The following SEC22C variants were observed in gnomAD, a reference collection of about 807,000 sequenced individuals.
The protein encoded by SEC22C is vesicle-trafficking protein SEC22c.
Under a neutral mutation model 34.7 loss-of-function variants are expected in SEC22C, and 29 were observed. That is an observed-to-expected ratio of 0.84 (90% confidence interval 0.62 to 1.14). SEC22C has a LOEUF of 1.14. Ranked by LOEUF, SEC22C falls within the 50% of genes most tolerant of loss-of-function variation. The probability of loss-of-function intolerance (pLI) is 0.00; values close to 1 mark genes in which losing one functional copy is unlikely to be tolerated. For synonymous variants in SEC22C, 117 were observed against 132.8 expected (o/e 0.88, Z 0.82); for missense variants, 337 against 369.0 (o/e 0.91, Z 0.71).
rs1452919164 is a variant in SEC22C at position 42,550,732 on chromosome 3, A to G, written c.*2516T>C. The G allele has an allele frequency of 4.1e-6, 4 of 985,238 alleles. No homozygotes were observed. Among genetic ancestry groups the G allele is most frequent in the Non-Finnish European group, 4.8e-6 (4 of 829,926 alleles). The allele number at this position is 985,238 out of a possible 1,614,324, so 61.0% of individuals were successfully genotyped here. A position where few individuals can be genotyped will look rare whatever the true frequency, so the allele number is the denominator to read the frequency against. On this transcript the variant is annotated 3_prime_UTR_variant, in exon 7 of 7. Coordinates refer to ENST00000264454, the MANE Select transcript of SEC22C (RefSeq NM_032970.4). Reference sequence around the variant, plus strand: ...GCATTACCAGGAAGGACTCATCTTCAAGGACCGTTTCTTTACTGCCTGCTG... The same window carrying G: ...GCATTACCAGGAAGGACTCATCTTCGAGGACCGTTTCTTTACTGCCTGCTG...
intron 2 of SEC22C, chr3:42,563,927 A>T (rs1335918134): frequency 1.4e-6 from 2 of 1,393,138 alleles, no homozygotes; most frequent in Non-Finnish European, 1.9e-6. Flanking sequence ...TTATTTATTC[A>T]TGCATGAGGG....
intron 1 of SEC22C, among the ~76,000 whole-genome samples, chr3:42,597,008 T>C (rs1705049758): frequency 6.6e-6 from 1 of 152,238 alleles, no homozygotes; most frequent in African/African-American, 2.4e-5. Flanking sequence ...TCCTTTCCTT[T>C]CATGAATCCA....
chr3:42,553,324 A>T lies in SEC22C; in HGVS notation c.836T>A (p.Ile279Lys). ...LRNLWQILFH[I>K]GVAFLSSYQI... The stretch of plus-strand genomic sequence containing the variant: ...ATATGAAGACAGAAAAGCCACTCCT[A>T]TGTGGAAAAGGATTTGCCAGAGGTT... The change falls in exon 7 of 7, where the codon ATA becomes AAA. Residue 279 changes from isoleucine (I) to lysine (K), a missense_variant. Ile to Lys is a moderately radical substitution (Grantham distance 102). Transcript: ENST00000264454. 6.2e-7 allele frequency: 1 copy of T among 1,614,170 alleles called. No individual in the cohort carries two copies. The highest frequency in any genetic ancestry group is 8.5e-7 in the Non-Finnish European group (1 of 1,180,020).
chr3:42,596,677 C>G (rs1705042509), intron 1 of SEC22C, among the ~76,000 whole-genome samples: 1 of 152,154 alleles, frequency 6.6e-6, no homozygotes, highest in African/African-American at 2.4e-5. Context: ...TTCGAATCAT[C>G]TAAAATATAA....
chr3:42,574,362 T>A (rs1410755763), intron 1 of SEC22C, among the ~76,000 whole-genome samples: 25 of 59,498 alleles, frequency 4.2e-4, no homozygotes, highest in Non-Finnish European at 6.0e-4. Context: ...AGACCCTGTC[T>A]CAAAAAAAAA....
chr3:42,574,335 G>A (rs576273567), intron 1 of SEC22C, among the ~76,000 whole-genome samples: 2 of 135,252 alleles, frequency 1.5e-5, no homozygotes, highest in South Asian at 4.6e-4. Flanking sequence ...TTCAAGTCCA[G>A]CCTAGGCAAC....
At chr3:42,589,728 A>G (rs1158616685) in intron 1 of SEC22C, among the ~76,000 whole-genome samples, 3 of 152,208 alleles carry the variant, frequency 2.0e-5, no homozygotes, top group Admixed American at 2.0e-4. Flanking sequence ...GATGTGAGGT[A>G]AAAGAGTTTC....
At chr3:42,600,910 A>G (rs890800140) in intron 1 of SEC22C, 29 of 917,582 alleles carry the variant, frequency 3.2e-5, no homozygotes, top group African/African-American at 5.2e-5. Context: ...ACTTCGTCTC[A>G]GCCCCGCCCT....
chr3:42,597,555 C>CAAAAAAAA (rs1240922376), intron 1 of SEC22C, among the ~76,000 whole-genome samples: 1 of 71,990 alleles, frequency 1.4e-5, no homozygotes. Context: ...GACTTTGTCT[C>CAAAAAAAA]AAAAAAAAAA....
intron 1 of SEC22C, among the ~76,000 whole-genome samples, chr3:42,595,587 G>A (rs927371442): frequency 2.0e-5 from 3 of 152,112 alleles, no homozygotes; most frequent in African/African-American, 7.2e-5. Context: ...AATTCATTAG[G>A]GATTACATAA....
Position 42,600,222 on chromosome 3 carries a change from C to T in SEC22C, c.-28+738G>A, listed in dbSNP as rs1324632869. On this transcript the variant is annotated intron_variant, in intron 1 of 6. Coordinates refer to the SEC22C transcript ENST00000417572. Reference sequence around the variant, plus strand: ...ACGCTGGTGCCAAAGCGGGAAGGAACGCATTCTTCAGCCTAAAAGACCTAA... The same window carrying T: ...ACGCTGGTGCCAAAGCGGGAAGGAATGCATTCTTCAGCCTAAAAGACCTAA... 2.6e-5 allele frequency among the ~76,000 whole-genome samples: 4 copies of T among 152,114 alleles called. No individual in the cohort carries two copies. In the East Asian group the frequency reaches 7.7e-4, roughly 29 times the overall value.
intron 4 of SEC22C, among the ~76,000 whole-genome samples, chr3:42,559,659 C>T (rs1702752268): frequency 1.3e-5 from 2 of 152,080 alleles, no homozygotes; most frequent in Non-Finnish European, 2.9e-5. Flanking sequence ...CAGTTAAAAA[C>T]AAAGTAATTA....
upstream of SEC22C, among the ~76,000 whole-genome samples, chr3:42,582,968 T>C (rs574596849): frequency 6.6e-6 from 1 of 152,324 alleles, no homozygotes; most frequent in South Asian, 2.1e-4. Context: ...ACAATGTGAA[T>C]GTACCAAATG....
At chr3:42,569,759 T>C (rs1703495888) in intron 1 of SEC22C, among the ~76,000 whole-genome samples, 1 of 152,196 alleles carries the variant, frequency 6.6e-6, no homozygotes, top group Non-Finnish European at 1.5e-5. Context: ...TACAGTGATA[T>C]GTGAATACCA....
intron 2 of SEC22C, among the ~76,000 whole-genome samples, chr3:42,568,317 T>C (rs747077386): frequency 6.6e-6 from 1 of 151,792 alleles, no homozygotes; most frequent in Non-Finnish European, 1.5e-5. Flanking sequence ...GGTCTCCCAA[T>C]GCTCATGGGC....
intron 1 of SEC22C, among the ~76,000 whole-genome samples, chr3:42,576,668 G>A (rs955630696): frequency 4.6e-5 from 7 of 151,480 alleles, no homozygotes; most frequent in Non-Finnish European, 1.0e-4. Context: ...TTATGGATTG[G>A]AAGAGTCAAC....
Position 42,577,028 on chromosome 3 carries a change from G to C in SEC22C, c.-28+4818C>G, listed in dbSNP as rs528911880. Among the ~76,000 whole-genome samples, 18 of 152,168 alleles carry C rather than the reference G, an allele frequency of 1.2e-4. No individual in the cohort carries two copies. The East Asian group carries it at 3.5e-3, about 29-fold the overall frequency. On this transcript the variant is annotated intron_variant, in intron 1 of 6. Transcript: ENST00000264454. ...GTGCAAAAGTAATTTAAGGGAGGAA[G>C]GGTAGTCTTTTCTATAAATAGTGCC...
chr3:42,565,778 G>A (rs187105268), intron 2 of SEC22C: 7 of 428,608 alleles, frequency 1.6e-5, no homozygotes, highest in Non-Finnish European at 2.8e-5. Context: ...TGCGATACCT[G>A]TGAGAGAACG....
At chr3:42,565,601 A>C (rs1703185475) in intron 2 of SEC22C, among the ~76,000 whole-genome samples, 1 of 152,216 alleles carries the variant, frequency 6.6e-6, no homozygotes, top group African/African-American at 2.4e-5. Context: ...ATATGAAAGG[A>C]AATTTGGACA....
Sources: allele counts gnomAD v4.1 joint callset (sites outside exome capture counted in the v4.1 genomes callset), GRCh38; gene constraint gnomAD v4.1.1; transcripts MANE v1.5; gene names NCBI Gene and HGNC (gene_info 2026-07-23, HGNC 2026-07-21).